CYBRD1: variants seen among roughly 807,000 people sequenced by gnomAD.
CYBRD1 encodes the protein cytochrome b reductase 1.
A neutral mutation model predicts 21.9 loss-of-function variants in CYBRD1; 14 were observed. The ratio of observed to expected loss-of-function variants is 0.64; its 90% CI spans 0.42 to 1.00. The LOEUF (loss-of-function observed/expected upper bound fraction) is 1.00. Among genes scored for constraint, CYBRD1 ranks in the 50% least tolerant of loss-of-function variants. CYBRD1 has a pLI of 0.00. For synonymous variants in CYBRD1, 146 were observed against 136.5 expected (o/e 1.07, Z -0.48); for missense variants, 328 against 352.5 (o/e 0.93, Z 0.56).
chr2:171,549,376 G>T (rs1408974838), intron 2 of CYBRD1, among the ~76,000 whole-genome samples: 1 of 152,122 alleles, frequency 6.6e-6, no homozygotes, highest in Admixed American at 6.6e-5. Flanking sequence ...GAGCCACTGT[G>T]CCCAGCCAAC....
chr2:171,547,512 C>G (rs781531674), intron 2 of CYBRD1, among the ~76,000 whole-genome samples: 3 of 150,468 alleles, frequency 2.0e-5, no homozygotes, highest in African/African-American at 4.9e-5. Context: ...CAGGATGGCA[C>G]CAGTAAAGAA....
intron 1 of CYBRD1, chr2:171,541,234 G>A: frequency 2.7e-6 from 1 of 363,988 alleles, no homozygotes; most frequent in South Asian, 2.5e-5. Context: ...GTTCTGGGCT[G>A]GAGATATAAA....
intron 1 of CYBRD1, among the ~76,000 whole-genome samples, chr2:171,529,785 G>C (rs763636679): frequency 5.9e-4 from 90 of 152,116 alleles, no homozygotes; most frequent in Non-Finnish European, 1.1e-3. Flanking sequence ...TTGCCCCATA[G>C]GAACCACTGT....
rs189720176 is a variant in CYBRD1, at chr2:171,541,341, C to T, written c.194-244C>T. On this transcript the variant is annotated intron_variant, in intron 1 of 3. Coordinates refer to ENST00000321348, the MANE Select transcript of CYBRD1 (RefSeq NM_024843.4). Reference sequence around the variant, plus strand: ...GCAGAGGGAGAAAAAGCCCTAGGACCGAGCCTGAGAGGCACCAAGGTTCAT... The same window carrying T: ...GCAGAGGGAGAAAAAGCCCTAGGACTGAGCCTGAGAGGCACCAAGGTTCAT... Among the ~76,000 whole-genome samples, 20 of 152,072 alleles carry T rather than the reference C, an allele frequency of 1.3e-4. No individual in the cohort carries two copies. In the East Asian group the frequency reaches 2.7e-3, roughly 21 times the overall value.
intron 1 of CYBRD1, among the ~76,000 whole-genome samples, chr2:171,538,074 C>T (rs764538391): frequency 6.6e-6 from 1 of 152,096 alleles, no homozygotes; most frequent in Non-Finnish European, 1.5e-5. Flanking sequence ...GTCAGGAGTT[C>T]AAGATCAGCC....
At chr2:171,554,178 G>A (rs80337689) in intron 3 of CYBRD1, among the ~76,000 whole-genome samples, 6,215 of 152,230 alleles carry the variant, frequency 0.041, 422 homozygotes, top group African/African-American at 0.14. Flanking sequence ...AAAGGGAGTA[G>A]CCTCGGGTCC....
At chr2:171,533,573 CTT>C (rs914870662) in intron 1 of CYBRD1, among the ~76,000 whole-genome samples, 18 of 152,154 alleles carry the variant, frequency 1.2e-4, no homozygotes, top group Non-Finnish European at 2.5e-4. Context: ...ACCACACACA[CTT>C]TGACAGATTC....
intron 1 of CYBRD1, among the ~76,000 whole-genome samples, chr2:171,540,242 A>C (rs1013744065): frequency 6.6e-6 from 1 of 152,204 alleles, no homozygotes; most frequent in South Asian, 2.1e-4. Context: ...GCTGGTTTCT[A>C]TACTTCATAT....
rs79582675 is a variant in CYBRD1, at chr2:171,526,323, C to T, written c.193+3585C>T. On this transcript the variant is annotated intron_variant, in intron 1 of 3. Transcript: ENST00000321348. ...CAAAGCTAACATAGAAGTTACAAAA[C>T]AAATCTCCCTCTCCTTCTTTATTCC... 1.1e-3 allele frequency among the ~76,000 whole-genome samples: 162 copies of T among 151,982 alleles called. 3 individuals carry two copies. The highest frequency in any genetic ancestry group is 9.5e-3 in the East Asian group (49 of 5,160).
chr2:171,531,772 T>C (rs936025595), intron 1 of CYBRD1, among the ~76,000 whole-genome samples: 3 of 152,234 alleles, frequency 2.0e-5, no homozygotes, highest in African/African-American at 7.2e-5. Flanking sequence ...GCCAGTACTC[T>C]TTCTAACCTG....
At chr2:171,533,379 A>G (rs1397722811) in intron 1 of CYBRD1, among the ~76,000 whole-genome samples, 2 of 152,328 alleles carry the variant, frequency 1.3e-5, no homozygotes, top group East Asian at 3.9e-4. Context: ...GAAAACAAAA[A>G]CAAAAACATA....
intron 1 of CYBRD1, among the ~76,000 whole-genome samples, chr2:171,526,755 G>A (rs1697392329): frequency 6.6e-6 from 1 of 152,204 alleles, no homozygotes; most frequent in Admixed American, 6.5e-5. Flanking sequence ...AAAAGGTTCA[G>A]CAAGGTGGAA....
rs1175069336 is a variant in CYBRD1 at position 171,522,644 on chromosome 2, C to G, written c.99C>G (p.His33Gln). The G allele has an allele frequency of 1.1e-5, 18 of 1,613,548 alleles. No homozygotes were observed. Among genetic ancestry groups the G allele is most frequent in the Non-Finnish European group, 1.4e-5 (17 of 1,179,936 alleles). ...TCTTCGCCCTCGTCTGGGTCCTCCA[C>G]TACCGAGAGGGGCTTGGCTGGGATG... Reference protein sequence around the residue: ...SVIFALVWVLHYREGLGWDGS... With the variant: ...SVIFALVWVLQYREGLGWDGS... The change falls in exon 1 of 4, where the codon CAC becomes CAG. Residue 33 changes from histidine (H) to glutamine (Q), a missense_variant. Physicochemically the swap from His to Gln is conservative, Grantham distance 24. Transcript: ENST00000321348. This position sits in a 1 kb window ranked among gnomAD's most constrained non-coding sequence, Gnocchi z 4.3.
chr2:171,553,581 A>C, intron 3 of CYBRD1, 81 bp downstream of exon 3: 1 of 1,263,880 alleles, frequency 7.9e-7, no homozygotes, highest in Non-Finnish European at 1.0e-6. Flanking sequence ...TGTAATAAAA[A>C]TATAACAAAA....
chr2:171,532,936 A>G (rs1009082035), intron 1 of CYBRD1, among the ~76,000 whole-genome samples: 2 of 150,456 alleles, frequency 1.3e-5, no homozygotes, highest in South Asian at 2.1e-4. Context: ...GTATAGCACA[A>G]ATATATGCAA....
At chr2:171,526,190 C>G (rs530292066) in intron 1 of CYBRD1, among the ~76,000 whole-genome samples, 2 of 152,098 alleles carry the variant, frequency 1.3e-5, no homozygotes, top group African/African-American at 4.8e-5. Flanking sequence ...TTGCTTGAAC[C>G]TGGGAGGTGG....
At chr2:171,545,016 G>A (rs1463101700) in intron 2 of CYBRD1, among the ~76,000 whole-genome samples, 1 of 151,846 alleles carries the variant, frequency 6.6e-6, no homozygotes, top group Non-Finnish European at 1.5e-5. Context: ...GTGCACACCT[G>A]TGGTCCCAGC....
At chr2:171,554,147 A>G (rs1033171335) in intron 3 of CYBRD1, among the ~76,000 whole-genome samples, 2 of 152,156 alleles carry the variant, frequency 1.3e-5, no homozygotes, top group Non-Finnish European at 2.9e-5. Flanking sequence ...TCCATCCGCC[A>G]TGCAGAAAAG....
At chr2:171,531,540 C>T (rs900790776) in intron 1 of CYBRD1, among the ~76,000 whole-genome samples, 6 of 152,168 alleles carry the variant, frequency 3.9e-5, no homozygotes, top group Non-Finnish European at 5.9e-5. Flanking sequence ...CTCGACCTCC[C>T]GGGCCCAAGT....
Sources: gnomAD v4.1 joint callset for allele counts (sites outside exome capture counted in the v4.1 genomes callset) on GRCh38, gnomAD v4.1.1 for gene constraint, Gnocchi (gnomAD v3.1) non-coding constraint, MANE v1.5 for transcripts, NCBI Gene and HGNC (gene_info 2026-07-23, HGNC 2026-07-21) for gene names.